Variants in LRRIQ3 observed in about 807,000 individuals in gnomAD.
The protein encoded by LRRIQ3 is leucine rich repeats and IQ motif containing 3, also known as leucine-rich repeat and IQ domain-containing protein 3.
LRRIQ3 carries 75 observed loss-of-function variants against 59.3 expected under a neutral mutation model. The observed-to-expected ratio is 1.26, with a 90% CI of 1.05 to 1.53. LRRIQ3 has a LOEUF of 1.53. LRRIQ3 is among the 40% of genes most tolerant of loss of function. The pLI is 0.00. For missense variants in LRRIQ3, 831 were observed against 710.0 expected (o/e 1.17, Z -1.94); for synonymous variants, 250 against 231.3 (o/e 1.08, Z -0.73).
At chr1:74,182,395 C>T (rs6659781) in intron 3 of LRRIQ3, 143 bp downstream of exon 3, 5,380 of 435,642 alleles carry the variant, frequency 0.012, 269 homozygotes, top group African/African-American at 0.1. Context: ...AAAGACATTA[C>T]AAATATATTC....
At chr1:74,042,012 A>T in intron 6 of LRRIQ3, 79 bp from the exon 7 acceptor site, 1 of 1,322,378 alleles carries the variant, frequency 7.6e-7, no homozygotes, top group Non-Finnish European at 9.9e-7. Context: ...ATATCAATAA[A>T]CTTGATAAGA....
At chr1:74,130,993 A>C (rs927435528) in intron 4 of LRRIQ3, among the ~76,000 whole-genome samples, 8 of 152,136 alleles carry the variant, frequency 5.3e-5, no homozygotes, top group African/African-American at 1.9e-4. Context: ...AGCAAGACTA[A>C]TACAGAAGAA....
chr1:74,192,059 G>A (rs567486006), intron 1 of LRRIQ3, among the ~76,000 whole-genome samples: 1 of 152,096 alleles, frequency 6.6e-6, no homozygotes, highest in South Asian at 2.1e-4. Flanking sequence ...ACTCTACTCA[G>A]ATTATATGTA....
chr1:74,128,336 A>G (rs1046502064), intron 4 of LRRIQ3, among the ~76,000 whole-genome samples: 7 of 152,036 alleles, frequency 4.6e-5, no homozygotes, highest in African/African-American at 1.7e-4. Context: ...CATGTCTTAA[A>G]GCTCACTAAT....
chr1:74,179,816 T>C (rs150755302), intron 3 of LRRIQ3: 1 of 151,970 alleles, frequency 6.6e-6, no homozygotes, highest in Non-Finnish European at 1.5e-5. Context: ...TATATCTCTT[T>C]AAGTCTTACT....
At chr1:74,160,247 T>C (rs182224779) in intron 3 of LRRIQ3, among the ~76,000 whole-genome samples, 8 of 152,222 alleles carry the variant, frequency 5.3e-5, no homozygotes, top group Non-Finnish European at 4.4e-5. Flanking sequence ...CTACTTGTTG[T>C]CACTTGCATG....
At chr1:74,030,347 C>T (rs1379206092) in intron 7 of LRRIQ3, among the ~76,000 whole-genome samples, 1 of 152,078 alleles carries the variant, frequency 6.6e-6, no homozygotes, top group Admixed American at 6.6e-5. Context: ...ATCATGCTAC[C>T]TGACTTCAAA....
chr1:74,172,490 T>C (rs193144075), intron 3 of LRRIQ3, among the ~76,000 whole-genome samples: 4 of 152,204 alleles, frequency 2.6e-5, no homozygotes, highest in East Asian at 3.8e-4. Flanking sequence ...TTAATACTTA[T>C]ATGTGACTAT....
chr1:74,095,053 G>T (rs531542470), intron 5 of LRRIQ3: 1 of 152,164 alleles, frequency 6.6e-6, no homozygotes, highest in Non-Finnish European at 1.5e-5. Flanking sequence ...AGTGTTGCAT[G>T]GCAGCTTCTA....
intron 7 of LRRIQ3, among the ~76,000 whole-genome samples, chr1:74,035,376 C>A (rs955780815): frequency 3.9e-5 from 6 of 151,900 alleles, no homozygotes; most frequent in African/African-American, 1.5e-4. Flanking sequence ...TAAATGATAT[C>A]TTTGGCATGT....
At chr1:74,192,836 C>T (rs986994952) in intron 1 of LRRIQ3, among the ~76,000 whole-genome samples, 15 of 152,188 alleles carry the variant, frequency 9.9e-5, no homozygotes, top group African/African-American at 2.4e-4. Context: ...CATATTCTGT[C>T]GAACTTTCCA....
At chr1:74,167,247 T>C (rs945010751) in intron 3 of LRRIQ3, among the ~76,000 whole-genome samples, 2 of 151,908 alleles carry the variant, frequency 1.3e-5, no homozygotes, top group African/African-American at 4.8e-5. Flanking sequence ...AAATGTGGTA[T>C]ACATATACCA....
At chr1:74,062,606 C>T (rs542224931) in intron 6 of LRRIQ3, among the ~76,000 whole-genome samples, 1 of 152,020 alleles carries the variant, frequency 6.6e-6, no homozygotes, top group South Asian at 2.1e-4. Flanking sequence ...CAACAGTAGA[C>T]TAGATAAAGA....
At position 74,043,561 on chromosome 1, in the gene LRRIQ3, G is replaced by C. The variant is rs75784611; in HGVS notation, c.998-1628C>G. On this transcript the variant is annotated intron_variant, in intron 6 of 7. Coordinates refer to ENST00000354431, the MANE Select transcript of LRRIQ3 (RefSeq NM_001105659.2). ...GTGTCCAGAAATAAACACTAAATAT[G>C]TGTGTCCAAAGCAAGAGACTGAGGA... Among the ~76,000 whole-genome samples the C allele has an allele frequency of 1.2e-4, 19 of 152,250 alleles. No homozygotes were observed. The East Asian group carries it at 3.7e-3, about 29-fold the overall frequency.
intron 4 of LRRIQ3, among the ~76,000 whole-genome samples, chr1:74,116,734 AG>A (rs1232730912): frequency 1.3e-5 from 2 of 152,226 alleles, no homozygotes; most frequent in East Asian, 3.9e-4. Context: ...ATGCTTTAAA[AG>A]TATCTACAAA....
At chr1:74,140,744 G>C (rs1310173902) in intron 4 of LRRIQ3, among the ~76,000 whole-genome samples, 1 of 151,758 alleles carries the variant, frequency 6.6e-6, no homozygotes, top group Non-Finnish European at 1.5e-5. Context: ...CCTGCCCTAA[G>C]ATATATTCAC....
chr1:74,103,382 T>C (rs1479734502), intron 5 of LRRIQ3, among the ~76,000 whole-genome samples: 1 of 151,904 alleles, frequency 6.6e-6, no homozygotes, highest in Non-Finnish European at 1.5e-5. Context: ...GCATTACTGG[T>C]GGAACCCTAA....
At chr1:74,184,175 C>T (rs1292079131) in intron 1 of LRRIQ3, among the ~76,000 whole-genome samples, 2 of 151,954 alleles carry the variant, frequency 1.3e-5, no homozygotes, top group African/African-American at 4.8e-5. Context: ...TACAGGCCTT[C>T]AAATGTTATC....
At position 74,182,815 on chromosome 1, in the gene LRRIQ3, A is replaced by C. The variant is rs529649244; in HGVS notation, c.296T>G (p.Leu99Arg). 2 of 1,590,948 alleles carry C rather than the reference A, an allele frequency of 1.3e-6. No individual in the cohort carries two copies. Among genetic ancestry groups the C allele is most frequent in the South Asian group, 1.2e-5 (1 of 86,800 alleles). Residue 99 changes from leucine (L) to arginine (R), a missense_variant, in exon 3 of 8, where the codon CTA becomes CGA. Coordinates refer to ENST00000354431, the MANE Select transcript of LRRIQ3 (RefSeq NM_001105659.2). ...NTKFWNGLKN[L>R]KLLYLHDNGF... ...ATTGTCATGAAGATAGAGTAGTTTTAGGTTCTTCAATCCATTCCAAAATTT... is the reference window on the plus strand; with the variant it reads ...ATTGTCATGAAGATAGAGTAGTTTTCGGTTCTTCAATCCATTCCAAAATTT...
Sources: allele counts gnomAD v4.1 joint callset (sites outside exome capture counted in the v4.1 genomes callset), GRCh38; gene constraint gnomAD v4.1.1; transcripts MANE v1.5; gene names NCBI Gene and HGNC (gene_info 2026-07-23, HGNC 2026-07-21).